Variants in SLC14A2 observed in about 807,000 individuals in gnomAD.
SLC14A2 encodes the protein solute carrier family 14 member 2.
Under a neutral mutation model 104.6 loss-of-function variants are expected in SLC14A2, and 91 were observed. That is an observed-to-expected ratio of 0.87 (90% CI 0.73 to 1.04). SLC14A2 has a LOEUF of 1.04. Ranked by LOEUF, SLC14A2 falls within the 50% of genes least tolerant of loss-of-function variation. The pLI is 0.00. For synonymous variants in SLC14A2, 476 were observed against 466.4 expected (o/e 1.02, Z -0.27); for missense variants, 1,189 against 1,156.0 (o/e 1.03, Z -0.41).
chr18:45,426,003 C>G (rs1242402867), intron 1 of SLC14A2, among the ~76,000 whole-genome samples: 1 of 151,914 alleles, frequency 6.6e-6, no homozygotes, highest in East Asian at 1.9e-4. Context: ...ACTCACAACT[C>G]TCTTACATCC....
intron 3 of SLC14A2, among the ~76,000 whole-genome samples, chr18:45,626,473 T>C (rs1311911771): frequency 1.3e-5 from 2 of 152,136 alleles, no homozygotes; most frequent in Non-Finnish European, 2.9e-5. Flanking sequence ...CAGTACTGAT[T>C]TTCACAGCTG....
chr18:45,561,999 A>T (rs2044206115), intron 2 of SLC14A2, among the ~76,000 whole-genome samples: 1 of 151,932 alleles, frequency 6.6e-6, no homozygotes, highest in African/African-American at 2.4e-5. Flanking sequence ...TCAGGTATAT[A>T]TTTTTTTTAA....
chr18:45,571,726 C>T lies in SLC14A2; in HGVS notation c.-34-52905C>T, dbSNP rs538902883. On this transcript the variant is annotated intron_variant, in intron 2 of 20. Transcript: ENST00000586448. ...TTTTATTATACCAGCCAAGATCACT[C>T]ATATCTGCCAGACTCCCCAGCCTGC... Among the ~76,000 whole-genome samples the T allele has an allele frequency of 1.8e-3, 281 of 152,330 alleles. 1 individual carries two copies. The highest frequency in any genetic ancestry group is 3.6e-3 in the Non-Finnish European group (244 of 68,020).
chr18:45,313,792 C>G (rs1898822439), intron 1 of SLC14A2, among the ~76,000 whole-genome samples: 1 of 152,194 alleles, frequency 6.6e-6, no homozygotes, highest in Admixed American at 6.5e-5. Flanking sequence ...TTTTCAACAT[C>G]TTACCTGTTC....
intron 1 of SLC14A2, among the ~76,000 whole-genome samples, chr18:45,620,654 C>A (rs138137163): frequency 0.014 from 2,132 of 151,692 alleles, 20 homozygotes; most frequent in Non-Finnish European, 0.019. Context: ...ATTTTTTTTT[C>A]ATCAAAAGAA....
chr18:45,357,099 T>C (rs1275868195), intron 1 of SLC14A2, among the ~76,000 whole-genome samples: 4 of 152,158 alleles, frequency 2.6e-5, no homozygotes, highest in African/African-American at 9.7e-5. Context: ...AGAGGCAGTC[T>C]GTAGCTATGA....
chr18:45,661,331 T>TC (rs1242448261), intron 10 of SLC14A2, among the ~76,000 whole-genome samples: 2 of 152,236 alleles, frequency 1.3e-5, no homozygotes. Flanking sequence ...CTGGAGTGCC[T>TC]CTTTGGATAT....
At chr18:45,493,787 AT>A (rs1245494662) in intron 2 of SLC14A2, among the ~76,000 whole-genome samples, 4 of 152,074 alleles carry the variant, frequency 2.6e-5, no homozygotes, top group Non-Finnish European at 5.9e-5. Context: ...ACTCATATTT[AT>A]TTTTTCACTG....
chr18:45,219,076 T>C (rs146649656), intron 1 of SLC14A2, among the ~76,000 whole-genome samples: 2,972 of 152,088 alleles, frequency 0.02, 42 homozygotes, highest in Non-Finnish European at 0.029. Context: ...TATAAGTGAG[T>C]CCTCTCAAAG....
chr18:45,652,719 G>T (rs1203000685), intron 10 of SLC14A2, among the ~76,000 whole-genome samples: 3 of 152,086 alleles, frequency 2.0e-5, no homozygotes, highest in Non-Finnish European at 4.4e-5. Flanking sequence ...TTGATCTCTT[G>T]AAGAGCCCTT....
chr18:45,518,420 C>CATTT (rs2043472159), intron 2 of SLC14A2, among the ~76,000 whole-genome samples: 1 of 152,146 alleles, frequency 6.6e-6, no homozygotes, highest in Admixed American at 6.5e-5. Context: ...TTCATTCATT[C>CATTT]ATTCATTCAG....
At chr18:45,298,551 C>G (rs1305482871) in intron 1 of SLC14A2, among the ~76,000 whole-genome samples, 1 of 152,174 alleles carries the variant, frequency 6.6e-6, no homozygotes, top group Non-Finnish European at 1.5e-5. Context: ...CAGCCCATGG[C>G]CCTAATCACT....
chr18:45,197,024 G>T, the SLC14A2 span, among the ~76,000 whole-genome samples: 8 of 152,138 alleles, frequency 5.3e-5, no homozygotes, highest in Non-Finnish European at 1.2e-4. Flanking sequence ...GGATGTGCTG[G>T]CTTCAGAAAT....
chr18:45,430,010 C>T (rs768067797), intron 1 of SLC14A2, among the ~76,000 whole-genome samples: 1 of 152,208 alleles, frequency 6.6e-6, no homozygotes, highest in African/African-American at 2.4e-5. Context: ...GATCCTCATT[C>T]ATAGGTTTCA....
chr18:45,403,656 A>G (rs1326623819), intron 1 of SLC14A2, among the ~76,000 whole-genome samples: 2 of 152,096 alleles, frequency 1.3e-5, no homozygotes, highest in Non-Finnish European at 2.9e-5. Context: ...TCTTGGCCTA[A>G]TTCACCCTGT....
intron 10 of SLC14A2, chr18:45,644,479 G>T (rs981913610): frequency 8.5e-6 from 2 of 234,308 alleles, no homozygotes; most frequent in East Asian, 8.5e-5. Context: ...GTAATTAACA[G>T]GTGATCTTCT....
intron 1 of SLC14A2, among the ~76,000 whole-genome samples, chr18:45,223,744 C>A (rs1562823): frequency 0.13 from 19,041 of 152,158 alleles, 1,393 homozygotes; most frequent in African/African-American, 0.21. Context: ...GCCCTGAGGT[C>A]CAGAGGCAGG....
At chr18:45,294,735 T>A (rs1245245500) in intron 1 of SLC14A2, among the ~76,000 whole-genome samples, 1 of 152,230 alleles carries the variant, frequency 6.6e-6, no homozygotes, top group Non-Finnish European at 1.5e-5. Context: ...CACAGTGGCA[T>A]CTTACAAACC....
chr18:45,512,570 G>A (rs918669310), intron 2 of SLC14A2, among the ~76,000 whole-genome samples: 1 of 152,152 alleles, frequency 6.6e-6, no homozygotes, highest in Non-Finnish European at 1.5e-5. Flanking sequence ...CACAGAGAAA[G>A]TGCAATTTCC....
Sources: allele counts gnomAD v4.1 joint callset (sites outside exome capture counted in the v4.1 genomes callset), GRCh38; gene constraint gnomAD v4.1.1; transcripts MANE v1.5; gene names NCBI Gene and HGNC (gene_info 2026-07-23, HGNC 2026-07-21).